Variants in TAFA2 observed in about 807,000 individuals in gnomAD.
The protein encoded by TAFA2 is chemokine-like protein TAFA-2.
Under a neutral mutation model 18.8 loss-of-function variants are expected in TAFA2, and 7 were observed. The observed-to-expected ratio is 0.37, with a 90% CI of 0.21 to 0.70. TAFA2 has a LOEUF of 0.70. TAFA2 is among the 30% of genes least tolerant of loss of function. The pLI, the probability that TAFA2 is intolerant of heterozygous loss-of-function variation, is 0.53. For missense variants in TAFA2, 122 were observed against 158.1 expected (o/e 0.77, Z 1.23); for synonymous variants, 60 against 54.2 (o/e 1.11, Z -0.47).
intron 2 of TAFA2, among the ~76,000 whole-genome samples, chr12:61,818,518 C>CAA (rs1872188276): frequency 6.6e-6 from 1 of 151,826 alleles, no homozygotes; most frequent in Non-Finnish European, 1.5e-5. Context: ...CACACACACA[C>CAA]ACACACACTA....
At chr12:61,973,578 G>C (rs925865883) in intron 1 of TAFA2, among the ~76,000 whole-genome samples, 6 of 151,504 alleles carry the variant, frequency 4.0e-5, no homozygotes, top group South Asian at 2.1e-4. Context: ...CTATCACCCA[G>C]AACAATTATA....
chr12:62,042,433 G>A (rs1325959167), intron 1 of TAFA2, among the ~76,000 whole-genome samples: 12 of 27,602 alleles, frequency 4.3e-4, no homozygotes, highest in East Asian at 2.6e-3. Flanking sequence ...GTGTGTGCGC[G>A]TGTGTGTGTG....
chr12:62,191,023 C>T (rs2062619132), intron 1 of TAFA2, among the ~76,000 whole-genome samples: 1 of 152,138 alleles, frequency 6.6e-6, no homozygotes, highest in African/African-American at 2.4e-5. Flanking sequence ...CTCCGATCCC[C>T]TCTCGGCGTC....
chr12:61,724,320 T>TCTCTTTTTCTTTCTTTCTTTC, intron 4 of TAFA2, among the ~76,000 whole-genome samples: 1 of 152,184 alleles, frequency 6.6e-6, no homozygotes, highest in African/African-American at 2.4e-5. Context: ...GGTGTTCTTT[T>TCTCTTTTTCTTTCTTTCTTTC]CTCTTTTTCT....
chr12:61,982,440 A>T lies in TAFA2; in HGVS notation c.-1-115014T>A, dbSNP rs187082823. On this transcript the variant is annotated intron_variant, in intron 1 of 4. Transcript: ENST00000416284. ...GTACCCTAGAACTTAAAGTATAATT[A>T]AAAAAAAGAAAAGAAAAGAAATGTA... Among the ~76,000 whole-genome samples, 596 of 152,154 alleles carry T rather than the reference A, an allele frequency of 3.9e-3. 2 individuals are homozygous for T. The highest frequency in any genetic ancestry group is 0.013 in the African/African-American group (557 of 41,508).
At chr12:61,987,740 A>G (rs979214228) in intron 1 of TAFA2, among the ~76,000 whole-genome samples, 4 of 152,222 alleles carry the variant, frequency 2.6e-5, no homozygotes, top group African/African-American at 9.6e-5. Context: ...TAAATTAAAT[A>G]AGGTAACATC....
chr12:61,942,135 G>A (rs949353521), intron 1 of TAFA2, among the ~76,000 whole-genome samples: 1 of 150,060 alleles, frequency 6.7e-6, no homozygotes, highest in African/African-American at 2.5e-5. Context: ...CCTCAAGTGG[G>A]TCCCTGACCC....
At chr12:61,995,612 A>G (rs1252267941) in intron 1 of TAFA2, among the ~76,000 whole-genome samples, 1 of 152,182 alleles carries the variant, frequency 6.6e-6, no homozygotes, top group Non-Finnish European at 1.5e-5. Context: ...CTCAGCAAAC[A>G]CATGTTGAAT....
intron 1 of TAFA2, among the ~76,000 whole-genome samples, chr12:61,870,753 A>T (rs186431019): frequency 6.6e-6 from 1 of 152,150 alleles, no homozygotes; most frequent in Non-Finnish European, 1.5e-5. Flanking sequence ...CCTACTCTTC[A>T]AAATGGGTAA....
chr12:61,937,133 A>G (rs1877801526), intron 1 of TAFA2, among the ~76,000 whole-genome samples: 1 of 152,158 alleles, frequency 6.6e-6, no homozygotes, highest in Non-Finnish European at 1.5e-5. Context: ...GGAACTAAAA[A>G]ACACTGCTGA....
chr12:61,858,136 G>T (rs73308244), intron 2 of TAFA2, among the ~76,000 whole-genome samples: 255 of 152,328 alleles, frequency 1.7e-3, no homozygotes, highest in African/African-American at 6.1e-3. Context: ...GGCAGACCCT[G>T]CAGTGTGCAC....
At chr12:61,926,348 G>A (rs1030659239) in intron 1 of TAFA2, among the ~76,000 whole-genome samples, 3 of 152,156 alleles carry the variant, frequency 2.0e-5, no homozygotes, top group Non-Finnish European at 4.4e-5. Flanking sequence ...ATTTTATGAG[G>A]CCAGTATCAT....
intron 1 of TAFA2, among the ~76,000 whole-genome samples, chr12:62,068,121 T>A (rs950547907): frequency 1.3e-5 from 2 of 152,032 alleles, no homozygotes; most frequent in Non-Finnish European, 2.9e-5. Flanking sequence ...ATAAAAATTT[T>A]AAAAAAAGCT....
chr12:61,964,701 A>G (rs747633428), intron 1 of TAFA2, among the ~76,000 whole-genome samples: 1 of 151,944 alleles, frequency 6.6e-6, no homozygotes, highest in Non-Finnish European at 1.5e-5. Flanking sequence ...AAGAGCTCTG[A>G]CTATAGGGCA....
At chr12:62,023,691 T>C (rs922273361) in intron 1 of TAFA2, 1 of 151,938 alleles carries the variant, frequency 6.6e-6, no homozygotes, top group Non-Finnish European at 1.5e-5. Context: ...GAGGGAATGA[T>C]GGCATTTTGT....
intron 1 of TAFA2, among the ~76,000 whole-genome samples, chr12:61,994,042 C>T (rs1880100455): frequency 6.6e-6 from 1 of 152,190 alleles, no homozygotes; most frequent in Non-Finnish European, 1.5e-5. Flanking sequence ...GTAACTAACA[C>T]TCTTGCTTGC....
intron 1 of TAFA2, among the ~76,000 whole-genome samples, chr12:62,011,616 G>C (rs1424774419): frequency 6.6e-6 from 1 of 151,942 alleles, no homozygotes; most frequent in Non-Finnish European, 1.5e-5. Context: ...ACTGTGGAAG[G>C]CCGCAGGGAC....
chr12:62,002,847 G>T (rs1321297960), intron 1 of TAFA2, among the ~76,000 whole-genome samples: 1 of 151,914 alleles, frequency 6.6e-6, no homozygotes, highest in Non-Finnish European at 1.5e-5. Context: ...CACCTCCTGG[G>T]TTGCATCTTT....
At chr12:62,113,659 G>A (rs1169511076) in intron 1 of TAFA2, among the ~76,000 whole-genome samples, 4 of 152,168 alleles carry the variant, frequency 2.6e-5, no homozygotes, top group African/African-American at 7.2e-5. Flanking sequence ...CCCTGACTGG[G>A]ACTGCTGCCT....
Sources: allele counts gnomAD v4.1 joint callset (sites outside exome capture counted in the v4.1 genomes callset), GRCh38; gene constraint gnomAD v4.1.1; transcripts MANE v1.5; gene names NCBI Gene and HGNC (gene_info 2026-07-23, HGNC 2026-07-21).